Variants in EPHA8 observed in about 807,000 individuals in gnomAD.
EPHA8 encodes the protein ephrin type-A receptor 8.
In EPHA8, 58 loss-of-function variants were observed where a neutral mutation model predicts 103.6. That is an observed-to-expected ratio of 0.56 (90% CI 0.45 to 0.70). The LOEUF (loss-of-function observed/expected upper bound fraction) is 0.70, where lower values mean the gene tolerates loss of function less well. EPHA8 is among the 30% of genes least tolerant of loss of function. The probability of loss-of-function intolerance (pLI) is 0.00; values close to 1 mark genes in which losing one functional copy is unlikely to be tolerated. For missense variants in EPHA8, 1,304 were observed against 1,395.2 expected, an observed-to-expected ratio of 0.93 and a Z score of 1.04; for synonymous variants, 559 against 572.5, an observed-to-expected ratio of 0.98 and a Z score of 0.34.
At chr1:22,593,182 GC>G in intron 5 of EPHA8, 143 bp from the exon 6 acceptor site, 2 of 1,275,796 alleles carry the variant, frequency 1.6e-6, no homozygotes, top group Non-Finnish European at 2.1e-6. Flanking sequence ...ACTGGAGGGT[GC>G]TGGCTGTCCT....
rs372200784 is a variant in EPHA8 at position 22,598,218 on chromosome 1, T to C, written c.2178+6T>C. 1.9e-6 allele frequency: 3 copies of C among 1,612,536 alleles called. No individual in the cohort carries two copies. Among genetic ancestry groups the C allele is most frequent in the African/African-American group, 2.7e-5 (2 of 74,912 alleles). ...CTCTGGACACCTTCCTGAGGGTGCG[T>C]GTCCCACCCCTGCCTCTTGCATGGG... On this transcript the variant is annotated splice_donor_region_variant and intron_variant, in intron 12 of 16. Coordinates refer to ENST00000166244, the MANE Select transcript of EPHA8 (RefSeq NM_020526.5). The surrounding 1 kb of genome is among the most constrained non-coding windows in gnomAD (Gnocchi z 5.1).
intron 4 of EPHA8, 145 bp downstream of exon 4, chr1:22,586,780 T>TGG (rs60727050): frequency 0.15 from 136,426 of 917,082 alleles, 8,665 homozygotes; most frequent in South Asian, 0.34. Context: ...CAGTCTGAGG[T>TGG]GGGGGGGGTG....
intron 1 of EPHA8, among the ~76,000 whole-genome samples, chr1:22,564,798 T>C (rs1221839037): frequency 6.6e-6 from 1 of 152,100 alleles, no homozygotes; most frequent in Non-Finnish European, 1.5e-5. Flanking sequence ...AGAGCGTCTC[T>C]GTGCAGGCTC....
chr1:22,572,822 C>T (rs1052465674), intron 2 of EPHA8, among the ~76,000 whole-genome samples: 8 of 152,270 alleles, frequency 5.3e-5, no homozygotes, highest in African/African-American at 1.7e-4. Context: ...GCACCCATCA[C>T]GGGGTGGGGG....
intron 3 of EPHA8, among the ~76,000 whole-genome samples, chr1:22,581,154 A>T (rs1468321119): frequency 1.3e-5 from 2 of 152,182 alleles, no homozygotes; most frequent in African/African-American, 2.4e-5. Context: ...CCTCAACTTA[A>T]GTAGCAGAGT....
chr1:22,598,711 T>C lies in EPHA8; in HGVS notation c.2179-127T>C, dbSNP rs1168386882. ...TAACTGCAAAGTGCTTCAGAAGTAG[T>C]GGCGCACTTGGCAAATTGCAAAGCA... is the stretch of plus-strand genomic sequence containing the variant. On this transcript the variant is annotated intron_variant, in intron 12 of 16. Coordinates refer to ENST00000166244, the MANE Select transcript of EPHA8 (RefSeq NM_020526.5). This position sits in a 1 kb window ranked among gnomAD's most constrained non-coding sequence, Gnocchi z 5.1. 1.1e-5 allele frequency: 10 copies of C among 876,344 alleles called. No individual in the cohort carries two copies. The East Asian group carries it at 2.4e-4, about 21-fold the overall frequency. The allele number at this position is 876,344 out of a possible 1,614,324, so 54.3% of individuals were successfully genotyped here.
chr1:22,597,639 G>T lies in EPHA8; in HGVS notation c.1931-37G>T, dbSNP rs775803053. The stretch of plus-strand genomic sequence containing the variant: ...GCTGGGGGAGTCTGAGGGTCCCACT[G>T]CCCTCCCTCCACACCTGCCCCTCTC... On this transcript the variant is annotated intron_variant, in intron 10 of 16. Transcript: ENST00000166244. The surrounding 1 kb of genome is among the most constrained non-coding windows in gnomAD (Gnocchi z 4.6). 1.3e-6 allele frequency: 2 copies of T among 1,568,914 alleles called. No homozygotes were observed. The highest frequency in any genetic ancestry group is 1.7e-6 in the Non-Finnish European group (2 of 1,156,562).
Position 22,569,435 on chromosome 1 carries a change from T to G in EPHA8, c.159+82T>G. 6.9e-7 allele frequency: 1 copy of G among 1,442,646 alleles called. No individual in the cohort carries two copies. Among genetic ancestry groups the G allele is most frequent in the Non-Finnish European group, 9.3e-7 (1 of 1,070,944 alleles). The allele number at this position is 1,442,646 out of a possible 1,614,324, so 89.4% of individuals were successfully genotyped here. A position where few individuals can be genotyped will look rare whatever the true frequency, so the allele number is the denominator to read the frequency against. ...ACTCACAGAGTCTGCATGAGATAGA[T>G]CAAAAGGAAGCAGAGGCCCAGAGAG... On this transcript the variant is annotated intron_variant, in intron 2 of 16. Transcript: ENST00000166244. The surrounding 1 kb of genome is among the most constrained non-coding windows in gnomAD (Gnocchi z 4.5).
chr1:22,575,729 C>G (rs1218228641), intron 2 of EPHA8, among the ~76,000 whole-genome samples: 1 of 152,114 alleles, frequency 6.6e-6, no homozygotes, highest in Admixed American at 6.5e-5. Flanking sequence ...GGCAATCACT[C>G]AACAAGCAGC....
chr1:22,601,478 G>C lies in EPHA8; in HGVS notation c.2903+5G>C. Reference sequence around the variant, plus strand: ...GGTGCTACGCATGAACGCCCAGTGAGTGATGGGTGGGGCTGGGGCCCCATG... The same window carrying C: ...GGTGCTACGCATGAACGCCCAGTGACTGATGGGTGGGGCTGGGGCCCCATG... On this transcript the variant is annotated splice_donor_5th_base_variant and intron_variant, in intron 16 of 16. Coordinates refer to ENST00000166244, the MANE Select transcript of EPHA8 (RefSeq NM_020526.5). 6 of 1,609,520 alleles carry C rather than the reference G, an allele frequency of 3.7e-6. No individual in the cohort carries two copies. Among genetic ancestry groups the C allele is most frequent in the Non-Finnish European group, 4.2e-6 (5 of 1,179,622 alleles).
rs1472297861 is a variant in EPHA8, at chr1:22,600,977, A to C, written c.2618A>C (p.Asp873Ala). ...CPHALHQLML[D>A]CWHKDRAQRP... ...CACGCCCTGCACCAGCTCATGCTCG[A>C]CTGTTGGCACAAGGACCGGGCGCAG... The change falls in exon 15 of 17, where the codon GAC becomes GCC. Residue 873 changes from aspartate to alanine, a missense_variant. Transcript: ENST00000166244. 7 of 1,612,944 alleles carry C rather than the reference A, an allele frequency of 4.3e-6. No homozygotes were observed. Among genetic ancestry groups the C allele is most frequent in the African/African-American group, 1.3e-5 (1 of 74,908 alleles).
intron 3 of EPHA8, 75 bp from the exon 4 acceptor site, chr1:22,586,405 C>T (rs537970406): frequency 5.1e-5 from 79 of 1,543,910 alleles, no homozygotes; most frequent in Non-Finnish European, 6.7e-5. Flanking sequence ...AAGCTGTGGG[C>T]CACAGTGTGA....
chr1:22,570,358 G>A (rs1640499757), intron 2 of EPHA8, among the ~76,000 whole-genome samples: 1 of 105,552 alleles, frequency 9.5e-6, no homozygotes, highest in Non-Finnish European at 1.8e-5. Context: ...GTACACACAT[G>A]CACACACGTG....
In EPHA8 at chr1:22,601,035, C is replaced by T. The variant is rs752672405; in HGVS notation, c.2676C>T (p.Leu892=). 11 of 1,612,524 alleles carry T rather than the reference C, an allele frequency of 6.8e-6. No individual in the cohort carries two copies. Among genetic ancestry groups the T allele is most frequent in the Admixed American group, 3.3e-5 (2 of 59,976 alleles). ...RPRFSQIVSV[L]DALIRSPESL... ...GCTTCTCCCAGATTGTCAGTGTCCT[C>T]GATGCGCTCATCCGCAGCCCTGAGA... The change falls in exon 15 of 17, where the codon CTC becomes CTT. Residue 892 remains leucine, a synonymous_variant. Transcript: ENST00000166244.
intron 4 of EPHA8, among the ~76,000 whole-genome samples, chr1:22,587,127 T>A (rs1014128629): frequency 1.3e-5 from 2 of 152,270 alleles, no homozygotes; most frequent in African/African-American, 4.8e-5. Flanking sequence ...GAATATCTGA[T>A]TCTGTGTATG....
chr1:22,566,218 T>C (rs1487377877), intron 1 of EPHA8, among the ~76,000 whole-genome samples: 1 of 152,214 alleles, frequency 6.6e-6, no homozygotes, highest in Non-Finnish European at 1.5e-5. Flanking sequence ...TATTGCTCTC[T>C]GGTGTGGCTT....
At chr1:22,593,298 G>C (rs145516933) in intron 5 of EPHA8, 28 bp from the exon 6 acceptor site, 5 of 1,546,850 alleles carry the variant, frequency 3.2e-6, no homozygotes, top group Non-Finnish European at 4.4e-6. Context: ...TCTCCCCTCC[G>C]CCCATCTGAC....
At position 22,589,961 on chromosome 1, in the gene EPHA8, A is replaced by G. The variant is rs752000494; in HGVS notation, c.1315+755A>G. 2.6e-5 allele frequency among the ~76,000 whole-genome samples: 4 copies of G among 152,098 alleles called. No homozygotes were observed. Among genetic ancestry groups the G allele is most frequent in the Non-Finnish European group, 4.4e-5 (3 of 68,012 alleles). On this transcript the variant is annotated intron_variant, in intron 5 of 16. Transcript: ENST00000166244. This position sits in a 1 kb window ranked among gnomAD's most constrained non-coding sequence, Gnocchi z 4.3. Reference sequence around the variant, plus strand: ...CACAGAGGAAGAAACTGAGGCCTGGAGAGCACCCAGGGCCACCTGACATAG... The same window carrying G: ...CACAGAGGAAGAAACTGAGGCCTGGGGAGCACCCAGGGCCACCTGACATAG...
chr1:22,579,069 G>T, intron 3 of EPHA8, among the ~76,000 whole-genome samples: 1 of 150,422 alleles, frequency 6.6e-6, no homozygotes, highest in East Asian at 2.0e-4. Context: ...ATGTATGCAT[G>T]TGTGTGCATG....
Sources: allele counts gnomAD v4.1 joint callset (sites outside exome capture counted in the v4.1 genomes callset), GRCh38; gene constraint gnomAD v4.1.1; non-coding constraint Gnocchi (gnomAD v3.1); transcripts MANE v1.5; gene names NCBI Gene and HGNC (gene_info 2026-07-23, HGNC 2026-07-21).